Variants in CAMSAP1 observed in about 807,000 individuals in gnomAD.
CAMSAP1 encodes calmodulin regulated spectrin associated protein 1.
In CAMSAP1, 58 loss-of-function variants were observed where a neutral mutation model predicts 143.5. The observed-to-expected ratio is 0.40, with a 90% CI of 0.33 to 0.50. CAMSAP1 has a LOEUF of 0.50. Ranked by LOEUF, CAMSAP1 falls within the 20% of genes least tolerant of loss-of-function variation. The probability of loss-of-function intolerance (pLI) is 0.45; values close to 1 mark genes in which losing one functional copy is unlikely to be tolerated. For synonymous variants in CAMSAP1, 945 were observed against 859.3 expected, an observed-to-expected ratio of 1.10 and a Z score of -1.74; for missense variants, 1,969 against 2,115.7, an observed-to-expected ratio of 0.93 and a Z score of 1.36.
chr9:135,884,447 T>C (rs2130990665), intron 1 of CAMSAP1, among the ~76,000 whole-genome samples: 1 of 152,224 alleles, frequency 6.6e-6, no homozygotes. Context: ...TCTGGTCATT[T>C]CCCCACAATC....
intron 1 of CAMSAP1, among the ~76,000 whole-genome samples, chr9:135,897,335 G>A (rs750667063): frequency 5.9e-5 from 9 of 151,810 alleles, no homozygotes; most frequent in Non-Finnish European, 8.8e-5. Context: ...TTTTTTTAAT[G>A]TGGATCCTAG....
At chr9:135,876,504 A>C (rs1720026960) in intron 3 of CAMSAP1, among the ~76,000 whole-genome samples, 1 of 152,258 alleles carries the variant, frequency 6.6e-6, no homozygotes, top group Admixed American at 6.5e-5. Flanking sequence ...CGACAGTTAC[A>C]CATCCACTCA....
In CAMSAP1 at chr9:135,887,321, T is replaced by C. The variant is rs138178999; in HGVS notation, c.161-4243A>G. ...AGGAAGGCTGAGAAGGATGCATGCA[T>C]GAAGACCACAGAGCCCGCCGGACTC... is the stretch of plus-strand genomic sequence containing the variant. On this transcript the variant is annotated intron_variant, in intron 1 of 16. Transcript: ENST00000389532. Among the ~76,000 whole-genome samples the C allele has an allele frequency of 4.3e-3, 648 of 152,144 alleles. 6 individuals carry two copies. Among genetic ancestry groups the C allele is most frequent in the African/African-American group, 0.015 (603 of 41,482 alleles).
At chr9:135,849,182 GC>G (rs1836682506) in intron 7 of CAMSAP1, among the ~76,000 whole-genome samples, 1 of 152,192 alleles carries the variant, frequency 6.6e-6, no homozygotes, top group Non-Finnish European at 1.5e-5. Context: ...CCTTCAGTGT[GC>G]TCAGAACACT....
intron 5 of CAMSAP1, among the ~76,000 whole-genome samples, chr9:135,854,912 C>T (rs1207997218): frequency 2.6e-5 from 4 of 152,108 alleles, no homozygotes; most frequent in African/African-American, 9.7e-5. Flanking sequence ...CTGCTCCTCT[C>T]CCTCCTCCCA....
intron 7 of CAMSAP1, among the ~76,000 whole-genome samples, chr9:135,840,805 T>G (rs916078865): frequency 6.6e-6 from 1 of 152,280 alleles, no homozygotes; most frequent in African/African-American, 2.4e-5. Flanking sequence ...TGAGGAATGG[T>G]GCATTCTGGT....
In CAMSAP1 at chr9:135,882,482, C is replaced by A. The variant is rs1379285182; in HGVS notation, c.423+334G>T. Among the ~76,000 whole-genome samples, 2 of 152,198 alleles carry A rather than the reference C, an allele frequency of 1.3e-5. No homozygotes were observed. Among genetic ancestry groups the A allele is most frequent in the Non-Finnish European group, 2.9e-5 (2 of 68,042 alleles). On this transcript the variant is annotated intron_variant, in intron 2 of 16. Coordinates refer to ENST00000389532, the MANE Select transcript of CAMSAP1 (RefSeq NM_015447.4). The surrounding 1 kb of genome is among the most constrained non-coding windows in gnomAD (Gnocchi z 4.9). Reference sequence around the variant, plus strand: ...ATTTTAGCACAAAGTATGCATGAAACAACCTAACAGAATGGGTGCAACAAT... The same window carrying A: ...ATTTTAGCACAAAGTATGCATGAAAAAACCTAACAGAATGGGTGCAACAAT...
chr9:135,859,070 G>A (rs778081666), intron 5 of CAMSAP1, among the ~76,000 whole-genome samples: 28 of 152,204 alleles, frequency 1.8e-4, no homozygotes, highest in Non-Finnish European at 3.7e-4. Flanking sequence ...ATTCACACCT[G>A]AAATGAACCA....
At chr9:135,874,763 G>A (rs11103205) in intron 3 of CAMSAP1, among the ~76,000 whole-genome samples, 1 of 151,920 alleles carries the variant, frequency 6.6e-6, no homozygotes, top group African/African-American at 2.4e-5. Context: ...CTTGTATGTA[G>A]AAAATCTTAA....
At chr9:135,898,767 C>G (rs1564463803) in intron 1 of CAMSAP1, among the ~76,000 whole-genome samples, 4 of 152,106 alleles carry the variant, frequency 2.6e-5, no homozygotes. Flanking sequence ...AGCTGCTGGC[C>G]AAATAAATAT....
Position 135,818,571 on chromosome 9 carries a change from C to T in CAMSAP1, c.4005G>A (p.Ala1335=). The T allele has an allele frequency of 1.9e-6, 3 of 1,613,396 alleles. No individual in the cohort carries two copies. Among genetic ancestry groups the T allele is most frequent in the Non-Finnish European group, 2.5e-6 (3 of 1,179,830 alleles). ...ACTCCTGCTTGATGAGCTCGCGCCG[C>T]GCCTTCTCCTCCTCCTTCCGCACCC... ...EDRVRKEEEK[A]RRELIKQEYL... Residue 1335 remains alanine (A), a synonymous_variant, in exon 13 of 17, where the codon GCG becomes GCA. Coordinates refer to ENST00000389532, the MANE Select transcript of CAMSAP1 (RefSeq NM_015447.4). This position sits in a 1 kb window ranked among gnomAD's most constrained non-coding sequence, Gnocchi z 7.7.
intron 2 of CAMSAP1, 54 bp from the exon 3 acceptor site, chr9:135,881,848 T>C: frequency 6.5e-7 from 1 of 1,540,086 alleles, no homozygotes; most frequent in Non-Finnish European, 8.8e-7. Flanking sequence ...CTTACCAGGT[T>C]CTGATGCAGG....
intron 3 of CAMSAP1, among the ~76,000 whole-genome samples, chr9:135,866,930 T>C (rs1837398227): frequency 6.6e-6 from 1 of 152,218 alleles, no homozygotes; most frequent in Non-Finnish European, 1.5e-5. Context: ...GCCTAACTTG[T>C]GACAGGATGG....
rs1028185978 is a variant in CAMSAP1, at chr9:135,838,082, C to T, written c.1046-10498G>A. ...GCACTTTCCACCCATTCTACAGACACACGTCATCACGCACTTCCCACCCAT... is the reference window on the plus strand; with the variant it reads ...GCACTTTCCACCCATTCTACAGACATACGTCATCACGCACTTCCCACCCAT... On this transcript the variant is annotated intron_variant, in intron 7 of 16. Coordinates refer to ENST00000389532, the MANE Select transcript of CAMSAP1 (RefSeq NM_015447.4). 1.5e-4 allele frequency among the ~76,000 whole-genome samples: 22 copies of T among 151,208 alleles called. No homozygotes were observed. The East Asian group carries it at 2.9e-3, about 20-fold the overall frequency.
In CAMSAP1 at chr9:135,819,025, T is replaced by A; in HGVS notation, c.3944A>T (p.Lys1315Met). 2 of 1,606,776 alleles carry A rather than the reference T, an allele frequency of 1.2e-6. No individual in the cohort carries two copies. Among genetic ancestry groups the A allele is most frequent in the Non-Finnish European group, 1.7e-6 (2 of 1,178,868 alleles). ...KQQLEAEVEL[K>M]RDEARRKAEE... ...GGACGCTTACCGGGCTTCGTCACGCTTGAGCTCCACCTCCGCTTCCAGCTG... is the reference window on the plus strand; with the variant it reads ...GGACGCTTACCGGGCTTCGTCACGCATGAGCTCCACCTCCGCTTCCAGCTG... Residue 1315 changes from lysine to methionine, a missense_variant, in exon 12 of 17, where the codon AAG becomes ATG. By Grantham distance (95) the Lys-to-Met change is moderately conservative. Coordinates refer to ENST00000389532, the MANE Select transcript of CAMSAP1 (RefSeq NM_015447.4).
At chr9:135,877,760 G>A (rs1163970249) in intron 3 of CAMSAP1, among the ~76,000 whole-genome samples, 5 of 152,138 alleles carry the variant, frequency 3.3e-5, no homozygotes, top group East Asian at 1.9e-4. Context: ...GCAGTGAGCC[G>A]CAATGACACA....
chr9:135,885,409 G>A (rs1401080316), intron 1 of CAMSAP1, among the ~76,000 whole-genome samples: 2 of 152,170 alleles, frequency 1.3e-5, no homozygotes, highest in East Asian at 1.9e-4. Context: ...AGTCCCCCTA[G>A]GAGAGCAGAA....
chr9:135,816,417 A>G (rs1835232172), intron 14 of CAMSAP1, among the ~76,000 whole-genome samples: 2 of 152,192 alleles, frequency 1.3e-5, no homozygotes, highest in Admixed American at 6.5e-5. Context: ...AGGAGGGGCC[A>G]CAGCAGGCCG....
chr9:135,866,578 C>T, intron 3 of CAMSAP1, 42 bp from the exon 4 acceptor site: 1 of 923,704 alleles, frequency 1.1e-6, no homozygotes, highest in Non-Finnish European at 1.7e-6. Flanking sequence ...AATTGCTGTC[C>T]CGCACAATTG....
Sources: allele counts gnomAD v4.1 joint callset (sites outside exome capture counted in the v4.1 genomes callset), GRCh38; gene constraint gnomAD v4.1.1; non-coding constraint Gnocchi (gnomAD v3.1); transcripts MANE v1.5; gene names NCBI Gene and HGNC (gene_info 2026-07-23, HGNC 2026-07-21).